DCAF1: variants seen among roughly 807,000 people sequenced by gnomAD.
DCAF1 encodes DDB1 and CUL4 associated factor 1.
DCAF1 carries 15 observed loss-of-function variants against 128.0 expected under a neutral mutation model. The ratio of observed to expected loss-of-function variants is 0.12; its 90% CI spans 0.08 to 0.18. The LOEUF is 0.18. Among genes scored for constraint, DCAF1 ranks in the 10% least tolerant of loss-of-function variants. The pLI is 1.00. For missense variants in DCAF1, 988 were observed against 1,649.5 expected (o/e 0.60, Z 6.95); for synonymous variants, 610 against 603.0 (o/e 1.01, Z -0.17).
intron 2 of DCAF1, among the ~76,000 whole-genome samples, chr3:51,485,194 C>T (rs1281259346): frequency 1.3e-5 from 2 of 152,156 alleles, no homozygotes; most frequent in African/African-American, 2.4e-5. Flanking sequence ...GGATTACAGG[C>T]GTGACCCACC....
At chr3:51,416,310 T>C (rs1698874602) in intron 18 of DCAF1, among the ~76,000 whole-genome samples, 1 of 152,172 alleles carries the variant, frequency 6.6e-6, no homozygotes, top group Admixed American at 6.5e-5. Flanking sequence ...CCTCCAGGTA[T>C]CTTCCTGAAT....
At chr3:51,490,556 T>C (rs1707515253) in intron 2 of DCAF1, among the ~76,000 whole-genome samples, 1 of 152,218 alleles carries the variant, frequency 6.6e-6, no homozygotes, top group Admixed American at 6.6e-5. Context: ...TCTGTGTTCA[T>C]GGATTAGAAG....
chr3:51,444,900 C>T (rs1281236803), intron 6 of DCAF1, among the ~76,000 whole-genome samples: 1 of 151,898 alleles, frequency 6.6e-6, no homozygotes, highest in Non-Finnish European at 1.5e-5. Flanking sequence ...TGGTCTCGAT[C>T]TCCTGACCTC....
intron 2 of DCAF1, among the ~76,000 whole-genome samples, chr3:51,489,938 A>T (rs1553657164): frequency 6.6e-6 from 1 of 152,154 alleles, no homozygotes; most frequent in Non-Finnish European, 1.5e-5. Context: ...AAAATCCTAA[A>T]GAATCCACAT....
At chr3:51,470,109 A>G (rs566748865) in intron 4 of DCAF1, among the ~76,000 whole-genome samples, 11 of 152,234 alleles carry the variant, frequency 7.2e-5, no homozygotes, top group Non-Finnish European at 1.5e-4. Flanking sequence ...CAAAGCAGAC[A>G]TAAGCGTCAA....
At chr3:51,436,457 C>T (rs1370245832) in intron 9 of DCAF1, 1 of 519,670 alleles carries the variant, frequency 1.9e-6, no homozygotes, top group Non-Finnish European at 3.9e-6. Flanking sequence ...CCATGTCAGC[C>T]ATAACCCTTA....
At chr3:51,437,263 T>A (rs568041006) in intron 9 of DCAF1, 46 of 317,876 alleles carry the variant, frequency 1.4e-4, no homozygotes, top group African/African-American at 1.4e-3. Flanking sequence ...TAAGACTCCA[T>A]GTCAAAAAAA....
At chr3:51,471,134 T>A in intron 3 of DCAF1, 129 bp from the exon 4 acceptor site, 1 of 501,682 alleles carries the variant, frequency 2.0e-6, no homozygotes, top group Non-Finnish European at 3.5e-6. Flanking sequence ...TCTTCTGATG[T>A]ACATAGAAAT....
intron 2 of DCAF1, among the ~76,000 whole-genome samples, chr3:51,485,072 C>G (rs888953163): frequency 6.6e-6 from 1 of 152,080 alleles, no homozygotes; most frequent in African/African-American, 2.4e-5. Flanking sequence ...TGCACCACCA[C>G]GCCCAGCTAA....
intron 2 of DCAF1, among the ~76,000 whole-genome samples, chr3:51,493,517 CA>C (rs1707893198): frequency 6.6e-6 from 1 of 151,780 alleles, no homozygotes; most frequent in African/African-American, 2.4e-5. Context: ...TCACAATAGC[CA>C]AAAAGTAGAA....
At chr3:51,402,478 T>C (rs2089779382) in intron 24 of DCAF1, among the ~76,000 whole-genome samples, 1 of 151,920 alleles carries the variant, frequency 6.6e-6, no homozygotes, top group Non-Finnish European at 1.5e-5. Context: ...ACAGCCACAA[T>C]CATTCATTTA....
intron 2 of DCAF1, among the ~76,000 whole-genome samples, chr3:51,491,069 G>A (rs1707584201): frequency 1.3e-5 from 2 of 149,882 alleles, no homozygotes; most frequent in East Asian, 2.0e-4. Context: ...CAAAGTCGGG[G>A]TCAGGCGCAG....
intron 6 of DCAF1, 63 bp from the exon 7 acceptor site, chr3:51,443,966 G>C: frequency 6.8e-7 from 1 of 1,475,678 alleles, no homozygotes; most frequent in Non-Finnish European, 9.1e-7. Context: ...TTAACAATAA[G>C]CAAAGATTTC....
rs532884466 is a variant in DCAF1, at chr3:51,399,823, G to A, written c.4466-996C>T. On this transcript the variant is annotated intron_variant, in intron 24 of 24. Transcript: ENST00000684031. Reference sequence around the variant, plus strand: ...CATAAAACAGACAAACCCTGAGCCCGTAAAACAGACAAACCCTGAGCTGGA... The same window carrying A: ...CATAAAACAGACAAACCCTGAGCCCATAAAACAGACAAACCCTGAGCTGGA... 5.3e-5 allele frequency among the ~76,000 whole-genome samples: 8 copies of A among 152,186 alleles called. No individual in the cohort carries two copies. The South Asian group carries it at 6.2e-4, about 12-fold the overall frequency.
intron 2 of DCAF1, among the ~76,000 whole-genome samples, chr3:51,491,772 G>GA (rs1553658079): frequency 2.0e-5 from 3 of 152,122 alleles, no homozygotes; most frequent in African/African-American, 7.2e-5. Context: ...TTGAATCCAG[G>GA]AGGCGGAGGT....
In DCAF1 at chr3:51,419,849, T is replaced by C; in HGVS notation, c.3121A>G (p.Lys1041Glu). Residue 1041 changes from lysine to glutamate, a missense_variant, in exon 15 of 25, where the codon AAA becomes GAA. Lys to Glu is a moderately conservative substitution (Grantham distance 56). Coordinates refer to ENST00000684031, the MANE Select transcript of DCAF1 (RefSeq NM_001387579.1). ...LFTPHQCPEP[K>E]QRRQAPINFT... is the part of the protein sequence containing the mutation. ...TTTATTGGCGCTTGCCGCCTCTGTT[T>C]TGGCTCAGGACATTGGTGAGGAGTA... is the stretch of plus-strand genomic sequence containing the variant. 1 of 1,614,026 alleles carries C rather than the reference T, an allele frequency of 6.2e-7. No homozygotes were observed. The highest frequency in any genetic ancestry group is 1.1e-5 in the South Asian group (1 of 91,086).
At chr3:51,429,211 C>T (rs1553634869) in intron 12 of DCAF1, 50 bp downstream of exon 12, 2 of 719,148 alleles carry the variant, frequency 2.8e-6, no homozygotes, top group Non-Finnish European at 5.2e-6. Context: ...GACTGAGATG[C>T]TACAGAGAGG....
intron 3 of DCAF1, 104 bp downstream of exon 3, chr3:51,483,615 G>GTT: frequency 1.4e-6 from 1 of 709,524 alleles, no homozygotes; most frequent in South Asian, 1.7e-5. Context: ...TAGTTTGTGT[G>GTT]TGTGTGTGTG....
chr3:51,459,416 T>G (rs1703292741), intron 6 of DCAF1, among the ~76,000 whole-genome samples: 1 of 152,248 alleles, frequency 6.6e-6, no homozygotes, highest in Admixed American at 6.5e-5. Flanking sequence ...CAATAATCAA[T>G]AGCTTACCAA....
Sources: allele counts gnomAD v4.1 joint callset (sites outside exome capture counted in the v4.1 genomes callset), GRCh38; gene constraint gnomAD v4.1.1; transcripts MANE v1.5; gene names NCBI Gene and HGNC (gene_info 2026-07-23, HGNC 2026-07-21).